The following OSBP2 variants were observed in gnomAD, a reference collection of about 807,000 sequenced individuals.
The protein encoded by OSBP2 is oxysterol-binding protein 2.
Under a neutral mutation model 96.0 loss-of-function variants are expected in OSBP2, and 66 were observed. That is an observed-to-expected ratio of 0.69 (90% confidence interval 0.56 to 0.84). The LOEUF (loss-of-function observed/expected upper bound fraction) is 0.84, where lower values mean the gene tolerates loss of function less well. OSBP2 is among the 40% of genes least tolerant of loss of function. The probability of loss-of-function intolerance (pLI) is 0.00; values close to 1 mark genes in which losing one functional copy is unlikely to be tolerated. For missense variants in OSBP2, 1,038 were observed against 1,222.7 expected, an observed-to-expected ratio of 0.85 and a Z score of 2.25; for synonymous variants, 525 against 520.9, an observed-to-expected ratio of 1.01 and a Z score of -0.11.
intron 2 of OSBP2, among the ~76,000 whole-genome samples, chr22:30,788,414 A>G (rs1306326648): frequency 6.6e-6 from 1 of 152,156 alleles, no homozygotes; most frequent in East Asian, 1.9e-4. Context: ...GCCATTTGCA[A>G]CGTGGGGAGC....
intron 2 of OSBP2, among the ~76,000 whole-genome samples, chr22:30,758,705 A>G (rs1233189950): frequency 6.6e-6 from 1 of 152,120 alleles, no homozygotes; most frequent in Admixed American, 6.5e-5. Context: ...AGAGGAATCC[A>G]TGCACACCAG....
chr22:30,699,729 C>A (rs1246699893), intron 1 of OSBP2, among the ~76,000 whole-genome samples: 1 of 152,028 alleles, frequency 6.6e-6, no homozygotes, highest in Non-Finnish European at 1.5e-5. Context: ...TACTTCTGCC[C>A]TGGATTTTGC....
chr22:30,761,703 G>A (rs2090206292), intron 2 of OSBP2, among the ~76,000 whole-genome samples: 1 of 152,202 alleles, frequency 6.6e-6, no homozygotes, highest in African/African-American at 2.4e-5. Flanking sequence ...ACAAGACAGT[G>A]TGATGTTGGC....
In OSBP2 at chr22:30,751,357, T is replaced by A. The variant is rs576503144; in HGVS notation, c.853+9988T>A. ...TATATATATATGTATATATATATAT[T>A]TTTTTCTTTTTTCTTGAGACGGAGT... On this transcript the variant is annotated intron_variant, in intron 2 of 13. Transcript: ENST00000332585. Among the ~76,000 whole-genome samples, 74 of 151,590 alleles carry A rather than the reference T, an allele frequency of 4.9e-4. 1 individual carries two copies. The highest frequency in any genetic ancestry group is 4.4e-3 in the South Asian group (21 of 4,802).
In OSBP2 at chr22:30,893,907, C is replaced by T. The variant is rs199668359; in HGVS notation, c.2281C>T (p.His761Tyr). 4.5e-5 allele frequency: 72 copies of T among 1,590,510 alleles called. No individual in the cohort carries two copies. The African/African-American group carries it at 9.1e-4, about 20-fold the overall frequency. Residue 761 changes from histidine to tyrosine, a missense_variant, in exon 12 of 14, where the codon CAT becomes TAT. Coordinates refer to ENST00000332585, the MANE Select transcript of OSBP2 (RefSeq NM_030758.4). ...ACAAATGGAGTGCTCCAAGGTCATG[C>T]ATAGCAGTCCCAGCAGCCCCAGCTC... ...DEQMECSKVM[H>Y]SSPSSPSSDG...
chr22:30,895,547 C>T (rs75993487), intron 12 of OSBP2, among the ~76,000 whole-genome samples: 20 of 31,662 alleles, frequency 6.3e-4, no homozygotes, highest in Admixed American at 3.6e-3. Flanking sequence ...GAAAATTCTA[C>T]TTTCTAATTT....
intron 2 of OSBP2, among the ~76,000 whole-genome samples, chr22:30,843,629 C>G (rs989813496): frequency 2.0e-5 from 3 of 152,054 alleles, no homozygotes; most frequent in African/African-American, 7.2e-5. Flanking sequence ...TGTGGGAGGC[C>G]AAGGAGGGCA....
chr22:30,798,349 G>C (rs1296838309), intron 2 of OSBP2, among the ~76,000 whole-genome samples: 1 of 152,074 alleles, frequency 6.6e-6, no homozygotes, highest in Non-Finnish European at 1.5e-5. Context: ...TATATGATTT[G>C]CAAATATTTT....
Position 30,890,890 on chromosome 22 carries a change from G to T in OSBP2, c.1786G>T (p.Ala596Ser). The change falls in exon 8 of 14, where the codon GCC becomes TCC. Residue 596 changes from alanine to serine, a missense_variant. Transcript: ENST00000332585. The surrounding 1 kb of genome is among the most constrained non-coding windows in gnomAD (Gnocchi z 4.4). ...CTACTCCACCACAGTGCACCGCATC[G>T]CCAAGCCCTTCAACCCCATGCTGGG... is the stretch of plus-strand genomic sequence containing the variant. The part of the protein sequence containing the change: ...SSYSTTVHRI[A>S]KPFNPMLGET... The T allele has an allele frequency of 6.2e-7, 1 of 1,613,510 alleles. No homozygotes were observed. Among genetic ancestry groups the T allele is most frequent in the Non-Finnish European group, 8.5e-7 (1 of 1,180,024 alleles).
intron 2 of OSBP2, among the ~76,000 whole-genome samples, chr22:30,766,698 G>A (rs1399435979): frequency 6.6e-6 from 1 of 152,126 alleles, no homozygotes; most frequent in African/African-American, 2.4e-5. Flanking sequence ...AGGGAGGAGC[G>A]AGGGAGTCCA....
At chr22:30,693,810 T>C (rs529356265), upstream of OSBP2, 3 of 416,188 alleles carry the variant, frequency 7.2e-6, no homozygotes, top group Admixed American at 1.1e-4. Context: ...CTACTAAAAA[T>C]ACAAAATTTA....
intron 2 of OSBP2, among the ~76,000 whole-genome samples, chr22:30,862,691 A>G (rs904826428): frequency 6.6e-6 from 1 of 151,138 alleles, no homozygotes; most frequent in Non-Finnish European, 1.5e-5. Flanking sequence ...AAGAAAAAAA[A>G]GGCTAGGCGC....
At chr22:30,760,607 G>A (rs149944244) in intron 2 of OSBP2, among the ~76,000 whole-genome samples, 3 of 152,220 alleles carry the variant, frequency 2.0e-5, no homozygotes, top group African/African-American at 4.8e-5. Flanking sequence ...CTTGAAGTCA[G>A]GAGTTCAAGA....
chr22:30,879,813 A>C (rs560531396), intron 3 of OSBP2, among the ~76,000 whole-genome samples: 1 of 152,278 alleles, frequency 6.6e-6, no homozygotes, highest in South Asian at 2.1e-4. Flanking sequence ...GCACTTTGAG[A>C]GGCCGACGCG....
In OSBP2 at chr22:30,778,339, T is replaced by C. The variant is rs578224892; in HGVS notation, c.853+36970T>C. ...CACACACACACACACACACACCCACTGACAGCGCTGTGGCCACCACCGTGT... is the reference window on the plus strand; with the variant it reads ...CACACACACACACACACACACCCACCGACAGCGCTGTGGCCACCACCGTGT... On this transcript the variant is annotated intron_variant, in intron 2 of 13. Transcript: ENST00000332585. Among the ~76,000 whole-genome samples the C allele has an allele frequency of 6.3e-3, 721 of 114,586 alleles. 8 individuals carry two copies. The highest frequency in any genetic ancestry group is 0.024 in the African/African-American group (694 of 28,406). 75.2% of individuals were successfully genotyped at this position (114,586 alleles called of 152,430 possible).
intron 2 of OSBP2, among the ~76,000 whole-genome samples, chr22:30,837,909 CAT>C (rs1257868128): frequency 1.1e-4 from 16 of 152,202 alleles, no homozygotes; most frequent in Admixed American, 9.8e-4. Context: ...TCCAAGCTCA[CAT>C]GTGCTTTTTG....
chr22:30,708,898 C>T (rs963082674), intron 1 of OSBP2, among the ~76,000 whole-genome samples: 7 of 151,462 alleles, frequency 4.6e-5, no homozygotes, highest in African/African-American at 1.5e-4. Context: ...GTCAGGAGTT[C>T]GAGACCAGCC....
chr22:30,744,033 G>C (rs533944590), intron 2 of OSBP2, among the ~76,000 whole-genome samples: 1 of 152,196 alleles, frequency 6.6e-6, no homozygotes, highest in African/African-American at 2.4e-5. Flanking sequence ...CAAATGTCCA[G>C]GTAACCCTCA....
At chr22:30,746,651 G>A (rs1055334903) in intron 2 of OSBP2, among the ~76,000 whole-genome samples, 3 of 151,514 alleles carry the variant, frequency 2.0e-5, no homozygotes, top group Non-Finnish European at 2.9e-5. Context: ...CACCACACCC[G>A]GCTAATTTTT....
Sources: allele counts gnomAD v4.1 joint callset (sites outside exome capture counted in the v4.1 genomes callset), GRCh38; gene constraint gnomAD v4.1.1; non-coding constraint Gnocchi (gnomAD v3.1); transcripts MANE v1.5; gene names NCBI Gene and HGNC (gene_info 2026-07-23, HGNC 2026-07-21).